FHL5: variants seen among roughly 807,000 people sequenced by gnomAD.
The protein encoded by FHL5 is four and a half LIM domains 5, also known as four and a half LIM domains protein 5.
A neutral mutation model predicts 32.0 loss-of-function variants in FHL5; 33 were observed. The observed-to-expected ratio is 1.03, with a 90% CI of 0.78 to 1.38. The LOEUF (loss-of-function observed/expected upper bound fraction) is 1.38, where lower values mean the gene tolerates loss of function less well. Among genes scored for constraint, FHL5 ranks in the 40% most tolerant of loss-of-function variants. The probability of loss-of-function intolerance (pLI) is 0.00; values close to 1 mark genes in which losing one functional copy is unlikely to be tolerated. For synonymous variants in FHL5, 114 were observed against 113.6 expected (o/e 1.00, Z -0.02); for missense variants, 336 against 343.9 (o/e 0.98, Z 0.18).
chr6:96,567,825 C>CTTTTTTTTTTTTTTTTTT (rs757441385), intron 1 of FHL5, among the ~76,000 whole-genome samples: 16 of 110,514 alleles, frequency 1.4e-4, no homozygotes, highest in East Asian at 2.8e-4. Context: ...TTTTTGTATT[C>CTTTTTTTTTTTTTTTTTT]TTTTTTTTTT....
Position 96,602,426 on chromosome 6 carries a change from C to CTTTTT in FHL5, c.-12-1142_-12-1138dup, listed in dbSNP as rs1168636713. On this transcript the variant is annotated intron_variant, in intron 1 of 5. Transcript: ENST00000450218. ...ACCTGGAAATCTATATGCGTTGTTT[C>CTTTTT]TTTTTTTTTTTTTTTTTTTTTTTTT... Among the ~76,000 whole-genome samples the CTTTTT allele has an allele frequency of 4.5e-4, 15 of 33,704 alleles. 5 individuals are homozygous for CTTTTT. Among genetic ancestry groups the CTTTTT allele is most frequent in the Non-Finnish European group, 7.2e-4 (11 of 15,324 alleles). The allele number at this position is 33,704 out of a possible 152,430, so 22.1% of individuals were successfully genotyped here.
chr6:96,567,825 C>CTTTTTTTTTTTT (rs757441385), intron 1 of FHL5, among the ~76,000 whole-genome samples: 4 of 110,518 alleles, frequency 3.6e-5, no homozygotes, highest in South Asian at 2.9e-4. Context: ...TTTTTGTATT[C>CTTTTTTTTTTTT]TTTTTTTTTT....
At chr6:96,603,559 A>G in intron 1 of FHL5, 43 bp from the exon 2 acceptor site, 1 of 1,439,242 alleles carries the variant, frequency 6.9e-7, no homozygotes, top group South Asian at 1.2e-5. Flanking sequence ...TCCTATAAAC[A>G]AAATTCTGCT....
chr6:96,570,460 G>A (rs1324284712), intron 1 of FHL5, among the ~76,000 whole-genome samples: 1 of 151,938 alleles, frequency 6.6e-6, no homozygotes, highest in Non-Finnish European at 1.5e-5. Flanking sequence ...GACCTTTTTG[G>A]GGTTGAATCT....
intron 1 of FHL5, among the ~76,000 whole-genome samples, chr6:96,568,263 T>C (rs1770402966): frequency 6.6e-6 from 1 of 151,932 alleles, no homozygotes; most frequent in Admixed American, 6.5e-5. Flanking sequence ...ATTTTGTTGA[T>C]GTAATGTATC....
rs924317179 is a variant in FHL5, at chr6:96,585,832, A to G, written c.-12-17770A>G. Among the ~76,000 whole-genome samples the G allele has an allele frequency of 4.6e-5, 7 of 152,350 alleles. 1 individual carries two copies. The highest frequency in any genetic ancestry group is 2.6e-4 in the Admixed American group (4 of 15,298). On this transcript the variant is annotated intron_variant, in intron 1 of 5. Coordinates refer to ENST00000450218, the MANE Select transcript of FHL5 (RefSeq NM_001322466.2). ...TATCCTAGTGCACTTCAACTTTACC[A>G]TAAGAAAGTAAAAGCCCTCTTTAAA...
chr6:96,564,035 T>C (rs1467975266), intron 1 of FHL5, among the ~76,000 whole-genome samples: 1 of 152,204 alleles, frequency 6.6e-6, no homozygotes, highest in Non-Finnish European at 1.5e-5. Context: ...TATGTGTTAA[T>C]GCTTTCTCTC....
At position 96,605,962 on chromosome 6, in the gene FHL5, A is replaced by T; in HGVS notation, c.395A>T (p.Asn132Ile). The change falls in exon 4 of 6, where the codon AAT (asparagine) becomes ATT (isoleucine). Residue 132 changes from asparagine (N) to isoleucine (I), a missense_variant. Physicochemically the swap from Asn to Ile is moderately radical, Grantham distance 149 (BLOSUM62 -3). Transcript: ENST00000450218. ...CATGAAACCTGTTTTGTGTGTGAGA[A>T]TTGCCGACAACCTATAGGGACAAAG... ...YWHETCFVCENCRQPIGTKPL... is the reference protein window; with the variant it reads ...YWHETCFVCEICRQPIGTKPL... 6.2e-7 allele frequency: 1 copy of T among 1,614,120 alleles called. No homozygotes were observed. The highest frequency in any genetic ancestry group is 1.7e-5 in the Admixed American group (1 of 60,020).
Position 96,594,252 on chromosome 6 carries a change from TA to T in FHL5, c.-12-9349del, listed in dbSNP as rs1562059650. On this transcript the variant is annotated intron_variant, in intron 1 of 5. Transcript: ENST00000450218. ...TTATATATATATATATATATATATATATATATATATATATATATATATGTAT... is the reference window on the plus strand; with the variant it reads ...TTATATATATATATATATATATATATTATATATATATATATATATATGTAT... Among the ~76,000 whole-genome samples the T allele has an allele frequency of 1.9e-3, 262 of 135,022 alleles. 6 individuals are homozygous for T. The highest frequency in any genetic ancestry group is 3.7e-3 in the Middle Eastern group (1 of 268). 88.6% of individuals were successfully genotyped at this position (135,022 alleles called of 152,430 possible).
At chr6:96,602,608 A>T (rs1452924193) in intron 1 of FHL5, among the ~76,000 whole-genome samples, 1 of 151,390 alleles carries the variant, frequency 6.6e-6, no homozygotes, top group African/African-American at 2.4e-5. Context: ...TTGTTTCTTA[A>T]TGGCTTTCCA....
intron 1 of FHL5, among the ~76,000 whole-genome samples, chr6:96,587,199 C>T (rs1016603444): frequency 1.3e-5 from 2 of 151,964 alleles, no homozygotes; most frequent in Admixed American, 1.3e-4. Context: ...AAGAAATCTT[C>T]ACCAGAGAGT....
At chr6:96,573,170 A>G (rs1455239380) in intron 1 of FHL5, among the ~76,000 whole-genome samples, 1 of 152,206 alleles carries the variant, frequency 6.6e-6, no homozygotes, top group Non-Finnish European at 1.5e-5. Flanking sequence ...ATATAAACCT[A>G]CTGAAAAAGT....
chr6:96,577,722 C>G (rs186926375), intron 1 of FHL5, among the ~76,000 whole-genome samples: 2 of 152,120 alleles, frequency 1.3e-5, no homozygotes, highest in African/African-American at 4.8e-5. Context: ...ACTTGGTCAA[C>G]AATTAAAACT....
At chr6:96,574,007 C>G (rs2127960155) in intron 1 of FHL5, among the ~76,000 whole-genome samples, 1 of 151,966 alleles carries the variant, frequency 6.6e-6, no homozygotes, top group East Asian at 1.9e-4. Context: ...AACATTTCAG[C>G]ATATTTTCTT....
At chr6:96,615,555 C>T (rs1771499349) in intron 5 of FHL5, 54 bp from the exon 6 acceptor site, 1 of 1,455,484 alleles carries the variant, frequency 6.9e-7, no homozygotes. Context: ...TGCTAGAATG[C>T]TCAATCTGTT....
chr6:96,615,655 T>G lies in FHL5; in HGVS notation c.738T>G (p.His246Gln). ...TCTGCTTTCAAGACAGCCAGTGGCA[T>G]AGCGAATGCTTTAACTGCGGGAAAT... ...KFICFQDSQWHSECFNCGKCS... is the reference protein window; with the variant it reads ...KFICFQDSQWQSECFNCGKCS... The change falls in exon 6 of 6, where the codon CAT becomes CAG. Residue 246 changes from histidine to glutamine, a missense_variant. Physicochemically the swap from His to Gln is conservative, Grantham distance 24 (BLOSUM62 0). Coordinates refer to ENST00000450218, the MANE Select transcript of FHL5 (RefSeq NM_001322466.2). The G allele has an allele frequency of 6.2e-7, 1 of 1,613,190 alleles. No homozygotes were observed. The highest frequency in any genetic ancestry group is 8.5e-7 in the Non-Finnish European group (1 of 1,179,590).
intron 1 of FHL5, among the ~76,000 whole-genome samples, chr6:96,601,189 C>T (rs958224586): frequency 3.9e-5 from 6 of 152,018 alleles, no homozygotes; most frequent in Non-Finnish European, 8.8e-5. Context: ...CAAAAATTAG[C>T]CAGGCACGGT....
chr6:96,603,565 C>T (rs779163362), intron 1 of FHL5, 37 bp from the exon 2 acceptor site: 2 of 1,477,094 alleles, frequency 1.4e-6, no homozygotes, highest in Non-Finnish European at 1.9e-6. Flanking sequence ...AAACAAAATT[C>T]TGCTTTTATA....
In FHL5 at chr6:96,606,087, G is replaced by A. The variant is rs1026511333; in HGVS notation, c.504+16G>A. The stretch of plus-strand genomic sequence containing the variant: ...TTGTAAGAAGGTAATTTTCTAAAGA[G>A]GGTGAAGCTTGTGGAAACTCAGACT... On this transcript the variant is annotated intron_variant, in intron 4 of 5. Coordinates refer to ENST00000450218, the MANE Select transcript of FHL5 (RefSeq NM_001322466.2). 4 of 1,608,718 alleles carry A rather than the reference G, an allele frequency of 2.5e-6. No homozygotes were observed. In the African/African-American group the frequency reaches 5.4e-5, roughly 22 times the overall value.
Sources: gnomAD v4.1 joint callset for allele counts (sites outside exome capture counted in the v4.1 genomes callset) on GRCh38, gnomAD v4.1.1 for gene constraint, MANE v1.5 for transcripts, NCBI Gene and HGNC (gene_info 2026-07-23, HGNC 2026-07-21) for gene names.